The following HSD17B12 variants were observed in gnomAD, a reference collection of about 807,000 sequenced individuals.
HSD17B12 encodes hydroxysteroid 17-beta dehydrogenase 12, also known as very-long-chain 3-oxoacyl-CoA reductase.
In HSD17B12, 32 loss-of-function variants were observed where a neutral mutation model predicts 39.3. That is an observed-to-expected ratio of 0.81 (90% CI 0.61 to 1.09). HSD17B12 has a LOEUF of 1.09. HSD17B12 is among the 50% of genes least tolerant of loss of function. The pLI is 0.00. For synonymous variants in HSD17B12, 150 were observed against 146.7 expected (o/e 1.02, Z -0.16); for missense variants, 342 against 382.9 (o/e 0.89, Z 0.89).
intron 2 of HSD17B12, 68 bp from the exon 3 acceptor site, chr11:43,753,978 G>A (rs998212578): frequency 9.3e-6 from 9 of 969,258 alleles, no homozygotes; most frequent in African/African-American, 3.3e-5. Context: ...TTAAAATGGG[G>A]GTTATAGCTC....
At chr11:43,621,454 C>T in the HSD17B12 span, among the ~76,000 whole-genome samples, 1 of 152,162 alleles carries the variant, frequency 6.6e-6, no homozygotes, top group Non-Finnish European at 1.5e-5. Flanking sequence ...GTGGCTCACA[C>T]CTGTAATCTC....
the HSD17B12 span, among the ~76,000 whole-genome samples, chr11:43,622,590 G>A: frequency 6.6e-6 from 1 of 152,022 alleles, no homozygotes; most frequent in Non-Finnish European, 1.5e-5. Context: ...AAGGTAACCA[G>A]CTTTTATAAA....
chr11:43,651,273 G>A, the HSD17B12 span, among the ~76,000 whole-genome samples: 8 of 152,294 alleles, frequency 5.3e-5, no homozygotes, highest in South Asian at 2.1e-4. Context: ...TGATGATAAC[G>A]TGCTGTGAAC....
At chr11:43,605,655 C>T in the HSD17B12 span, among the ~76,000 whole-genome samples, 1,097 of 152,096 alleles carry the variant, frequency 7.2e-3, 5 homozygotes, top group South Asian at 0.019. Context: ...CTCTTTGTCT[C>T]TGTTTTGTCT....
At chr11:43,819,952 T>C (rs1207684835) in intron 6 of HSD17B12, among the ~76,000 whole-genome samples, 1 of 152,152 alleles carries the variant, frequency 6.6e-6, no homozygotes, top group Non-Finnish European at 1.5e-5. Flanking sequence ...AAATCAAAAC[T>C]CTCAACATGT....
At chr11:43,769,694 A>AT (rs1356766547) in intron 3 of HSD17B12, among the ~76,000 whole-genome samples, 2 of 152,260 alleles carry the variant, frequency 1.3e-5, no homozygotes, top group African/African-American at 4.8e-5. Context: ...AAGAAATAGA[A>AT]TGGAGGATGC....
At chr11:43,833,032 C>CA (rs59191050) in intron 7 of HSD17B12, 11,385 of 122,572 alleles carry the variant, frequency 0.093, 673 homozygotes, top group African/African-American at 0.19. Flanking sequence ...GACCCTGTCT[C>CA]AAAAAAAAAA....
At chr11:43,605,176 A>C in the HSD17B12 span, among the ~76,000 whole-genome samples, 1 of 152,284 alleles carries the variant, frequency 6.6e-6, no homozygotes, top group South Asian at 2.1e-4. Flanking sequence ...CCATGTGGGC[A>C]CTGGACTGGA....
At chr11:43,820,597 T>C (rs111904525) in intron 6 of HSD17B12, among the ~76,000 whole-genome samples, 2,379 of 152,316 alleles carry the variant, frequency 0.016, 42 homozygotes, top group Middle Eastern at 0.027. Context: ...TCAGGGGAAC[T>C]GGGGCATGGA....
chr11:43,806,730 C>T (rs1425867740), intron 4 of HSD17B12, among the ~76,000 whole-genome samples: 1 of 152,020 alleles, frequency 6.6e-6, no homozygotes, highest in African/African-American at 2.4e-5. Flanking sequence ...TTAATGGGTA[C>T]AAATGTATAC....
At chr11:43,666,765 C>A in the HSD17B12 span, among the ~76,000 whole-genome samples, 1 of 152,196 alleles carries the variant, frequency 6.6e-6, no homozygotes, top group Non-Finnish European at 1.5e-5. Context: ...ATGTCGTTCA[C>A]TATACTTCAC....
chr11:43,671,112 A>T, the HSD17B12 span, among the ~76,000 whole-genome samples: 1 of 152,168 alleles, frequency 6.6e-6, no homozygotes, highest in African/African-American at 2.4e-5. Flanking sequence ...TATGCTGGAA[A>T]TATGATGTAG....
chr11:43,855,551 A>G lies in HSD17B12; in HGVS notation c.*303A>G. 6.0e-6 allele frequency: 1 copy of G among 166,716 alleles called. No individual in the cohort carries two copies. The highest frequency in any genetic ancestry group is 1.3e-5 in the Non-Finnish European group (1 of 78,064). 10.3% of individuals were successfully genotyped at this position (166,716 alleles called of 1,614,324 possible). A position where few individuals can be genotyped will look rare whatever the true frequency, so the allele number is the denominator to read the frequency against. On this transcript the variant is annotated 3_prime_UTR_variant, in exon 11 of 11. Coordinates refer to ENST00000278353, the MANE Select transcript of HSD17B12 (RefSeq NM_016142.3). ...ATTATAGCAAATCACAGAATGATAG[A>G]CTCAAGCATAAAACTTGGCAGTTTT... is the stretch of plus-strand genomic sequence containing the variant.
intron 9 of HSD17B12, among the ~76,000 whole-genome samples, chr11:43,843,251 T>G (rs567927049): frequency 6.6e-6 from 1 of 152,276 alleles, no homozygotes; most frequent in African/African-American, 2.4e-5. Context: ...CTCTTATTAA[T>G]TCTGATCAAA....
chr11:43,798,298 T>G, intron 3 of HSD17B12, 22 bp from the exon 4 acceptor site: 4 of 1,423,552 alleles, frequency 2.8e-6, no homozygotes, highest in Non-Finnish European at 4.0e-6. Flanking sequence ...TCTCTCCCCG[T>G]TTGTGTTTTC....
chr11:43,792,446 T>A (rs761455997), intron 3 of HSD17B12, among the ~76,000 whole-genome samples: 2 of 152,064 alleles, frequency 1.3e-5, no homozygotes, highest in Non-Finnish European at 2.9e-5. Context: ...TCTCTAAGAG[T>A]CTCCTCTCCC....
At chr11:43,737,197 G>A (rs1020889423) in intron 1 of HSD17B12, among the ~76,000 whole-genome samples, 28 of 152,306 alleles carry the variant, frequency 1.8e-4, no homozygotes, top group East Asian at 1.9e-4. Context: ...TAGTGGCAGG[G>A]AATAGACAGA....
chr11:43,602,085 A>G, the HSD17B12 span, among the ~76,000 whole-genome samples: 1 of 152,178 alleles, frequency 6.6e-6, no homozygotes, highest in Non-Finnish European at 1.5e-5. Flanking sequence ...CCATGAGGCA[A>G]TGCTATTCTT....
the HSD17B12 span, among the ~76,000 whole-genome samples, chr11:43,634,592 T>C: frequency 6.6e-6 from 1 of 152,310 alleles, no homozygotes; most frequent in East Asian, 1.9e-4. Flanking sequence ...AGTATTGTGG[T>C]CTCCTTTTCC....
Sources: gnomAD v4.1 joint callset for allele counts (sites outside exome capture counted in the v4.1 genomes callset) on GRCh38, gnomAD v4.1.1 for gene constraint, MANE v1.5 for transcripts, NCBI Gene and HGNC (gene_info 2026-07-23, HGNC 2026-07-21) for gene names.